The following ULK4 variants were observed in gnomAD, a reference collection of about 807,000 sequenced individuals.
The protein encoded by ULK4 is inactive serine/threonine-protein kinase ULK4.
Under a neutral mutation model 160.6 loss-of-function variants are expected in ULK4, and 133 were observed. The ratio of observed to expected loss-of-function variants is 0.83; its 90% confidence interval spans 0.72 to 0.96. The LOEUF (loss-of-function observed/expected upper bound fraction) is 0.96. ULK4 is among the 40% of genes least tolerant of loss of function. The pLI is 0.00. For missense variants in ULK4, 1,580 were observed against 1,499.5 expected (o/e 1.05, Z -0.89); for synonymous variants, 534 against 539.8 (o/e 0.99, Z 0.15).
intron 30 of ULK4, among the ~76,000 whole-genome samples, chr3:41,661,046 G>A (rs2125757556): frequency 6.6e-6 from 1 of 151,886 alleles, no homozygotes. Flanking sequence ...ATTTGCCTTA[G>A]TAGAATTTTA....
intron 35 of ULK4, among the ~76,000 whole-genome samples, chr3:41,394,348 A>G (rs1252949634): frequency 6.6e-6 from 1 of 152,096 alleles, no homozygotes; most frequent in African/African-American, 2.4e-5. Context: ...ACCTGCTGCT[A>G]TTTCTCTCCA....
At chr3:41,255,939 A>T (rs1168868073) in intron 35 of ULK4, among the ~76,000 whole-genome samples, 1 of 152,234 alleles carries the variant, frequency 6.6e-6, no homozygotes, top group Admixed American at 6.5e-5. Flanking sequence ...CATATGGAAA[A>T]TTTCCAAAAT....
intron 34 of ULK4, among the ~76,000 whole-genome samples, chr3:41,445,929 G>A (rs2083286333): frequency 6.6e-6 from 1 of 151,778 alleles, no homozygotes; most frequent in African/African-American, 2.4e-5. Context: ...CCATCAGAGT[G>A]AACAGGCAAC....
chr3:41,631,197 G>C (rs935014808), intron 30 of ULK4, among the ~76,000 whole-genome samples: 2 of 152,104 alleles, frequency 1.3e-5, no homozygotes, highest in East Asian at 1.9e-4. Flanking sequence ...TTACCATTAA[G>C]GTACATATAT....
chr3:41,934,945 A>G lies in ULK4; in HGVS notation c.378+856T>C, dbSNP rs943551573. Among the ~76,000 whole-genome samples the G allele has an allele frequency of 5.9e-5, 9 of 152,124 alleles. No homozygotes were observed. In the East Asian group the frequency reaches 1.4e-3, roughly 23 times the overall value. On this transcript the variant is annotated intron_variant, in intron 4 of 36. Transcript: ENST00000301831. Reference sequence around the variant, plus strand: ...AAGTAATTACTCAAAGAGCTCTGAAAGGGAGACTTCACATTCAAAAAGCAA... The same window carrying G: ...AAGTAATTACTCAAAGAGCTCTGAAGGGGAGACTTCACATTCAAAAAGCAA...
chr3:41,822,765 A>G (rs1221685992), intron 18 of ULK4, among the ~76,000 whole-genome samples: 6 of 130,240 alleles, frequency 4.6e-5, no homozygotes, highest in African/African-American at 6.3e-5. Context: ...TCTGTCACCC[A>G]GGCTGGAGTG....
intron 31 of ULK4, among the ~76,000 whole-genome samples, chr3:41,588,317 A>T (rs1333647258): frequency 2.6e-5 from 4 of 152,256 alleles, no homozygotes; most frequent in African/African-American, 9.6e-5. Flanking sequence ...ATGTACTTGC[A>T]TACAAACTTG....
intron 2 of ULK4, among the ~76,000 whole-genome samples, chr3:41,951,076 C>T (rs1576008294): frequency 1.6e-5 from 2 of 127,684 alleles, no homozygotes; most frequent in East Asian, 2.7e-4. Flanking sequence ...CCCCGGGAGG[C>T]GGAGCTTACA....
chr3:41,371,612 A>T (rs1006888198), intron 35 of ULK4, among the ~76,000 whole-genome samples: 1 of 152,170 alleles, frequency 6.6e-6, no homozygotes. Flanking sequence ...ATCAACAAAA[A>T]GGACAACCAC....
chr3:41,274,596 A>T (rs1257634727), intron 35 of ULK4, among the ~76,000 whole-genome samples: 1 of 152,234 alleles, frequency 6.6e-6, no homozygotes, highest in Non-Finnish European at 1.5e-5. Context: ...CCTTAAATTA[A>T]ATTGTTATAA....
At chr3:41,492,437 T>C (rs1026915118) in intron 32 of ULK4, among the ~76,000 whole-genome samples, 2 of 151,410 alleles carry the variant, frequency 1.3e-5, no homozygotes, top group Non-Finnish European at 2.9e-5. Context: ...GCACTAAACA[T>C]GGAAAGGAAC....
chr3:41,632,664 T>G (rs1052078757), intron 30 of ULK4, among the ~76,000 whole-genome samples: 1 of 151,922 alleles, frequency 6.6e-6, no homozygotes, highest in East Asian at 1.9e-4. Context: ...GCAGTAAACA[T>G]GGATTGCACA....
intron 21 of ULK4, among the ~76,000 whole-genome samples, chr3:41,782,572 G>A (rs939064110): frequency 2.0e-5 from 3 of 152,192 alleles, no homozygotes; most frequent in Admixed American, 6.5e-5. Context: ...TATAGAGACT[G>A]TAATCAGGAA....
intron 2 of ULK4, among the ~76,000 whole-genome samples, chr3:41,950,435 GTTTCACCGTGTTGGACAGGC>G (rs951957037): frequency 2.0e-5 from 3 of 152,066 alleles, no homozygotes; most frequent in Non-Finnish European, 4.4e-5. Flanking sequence ...TAGAGACAGG[GTTTCACCGTGTTGGACAGGC>G]TGGTCTTGAA....
At chr3:41,535,273 T>A (rs569936513) in intron 32 of ULK4, among the ~76,000 whole-genome samples, 1 of 152,134 alleles carries the variant, frequency 6.6e-6, no homozygotes, top group Non-Finnish European at 1.5e-5. Context: ...CGGAGAGCAG[T>A]GGCTGATGCA....
At chr3:41,846,448 C>T (rs2042071695) in intron 17 of ULK4, among the ~76,000 whole-genome samples, 1 of 152,082 alleles carries the variant, frequency 6.6e-6, no homozygotes. Flanking sequence ...TGTTATTATG[C>T]ATGTTTTCCT....
At chr3:41,360,396 C>T (rs948023944) in intron 35 of ULK4, among the ~76,000 whole-genome samples, 1 of 152,160 alleles carries the variant, frequency 6.6e-6, no homozygotes, top group African/African-American at 2.4e-5. Context: ...TACCATTTAA[C>T]CCAGCAATCC....
chr3:41,816,027 G>T (rs1395440079), intron 19 of ULK4, among the ~76,000 whole-genome samples: 3 of 152,050 alleles, frequency 2.0e-5, no homozygotes, highest in African/African-American at 7.2e-5. Flanking sequence ...GAGACAGAAG[G>T]ATTGCTTGAG....
chr3:41,327,366 T>C (rs1319896839), intron 35 of ULK4, among the ~76,000 whole-genome samples: 1 of 152,148 alleles, frequency 6.6e-6, no homozygotes, highest in Non-Finnish European at 1.5e-5. Flanking sequence ...ATTGCCTCCA[T>C]GGTCATTTAT....
Sources: gnomAD v4.1 joint callset for allele counts (sites outside exome capture counted in the v4.1 genomes callset) on GRCh38, gnomAD v4.1.1 for gene constraint, MANE v1.5 for transcripts, NCBI Gene and HGNC (gene_info 2026-07-23, HGNC 2026-07-21) for gene names.